Variants in SPPL2A observed in about 807,000 individuals in gnomAD.
SPPL2A encodes the protein signal peptide peptidase-like 2A.
SPPL2A carries 51 observed loss-of-function variants against 63.8 expected under a neutral mutation model. The ratio of observed to expected loss-of-function variants is 0.80; its 90% CI spans 0.64 to 1.01. The LOEUF is 1.01. Among genes scored for constraint, SPPL2A ranks in the 50% least tolerant of loss-of-function variants. The pLI is 0.00. For missense variants in SPPL2A, 553 were observed against 622.7 expected (o/e 0.89, Z 1.19); for synonymous variants, 188 against 205.8 (o/e 0.91, Z 0.74).
intron 1 of SPPL2A, 85 bp downstream of exon 1, chr15:50,765,383 G>A (rs74864554): frequency 4.7e-6 from 5 of 1,074,482 alleles, no homozygotes; most frequent in Middle Eastern, 3.1e-4. Flanking sequence ...GGGAGGCCGG[G>A]CGAGGAGTAG....
intron 9 of SPPL2A, among the ~76,000 whole-genome samples, chr15:50,731,558 A>AT (rs1400484100): frequency 6.6e-6 from 1 of 151,848 alleles, no homozygotes; most frequent in East Asian, 1.9e-4. Context: ...AAAAAAAAAA[A>AT]GAAGAAATGT....
chr15:50,760,339 C>T (rs369086887), intron 1 of SPPL2A, among the ~76,000 whole-genome samples: 1 of 152,140 alleles, frequency 6.6e-6, no homozygotes, highest in Non-Finnish European at 1.5e-5. Flanking sequence ...TGGCTCACTG[C>T]AACCTCTGCC....
At chr15:50,712,901 G>A (rs949128469) in intron 14 of SPPL2A, among the ~76,000 whole-genome samples, 1 of 151,856 alleles carries the variant, frequency 6.6e-6, no homozygotes, top group Non-Finnish European at 1.5e-5. Flanking sequence ...TGGTCAGGCT[G>A]TCTCAAACTC....
chr15:50,735,066 G>T (rs752317117), intron 8 of SPPL2A, among the ~76,000 whole-genome samples: 1 of 151,878 alleles, frequency 6.6e-6, no homozygotes, highest in African/African-American at 2.4e-5. Context: ...CACCATGCCC[G>T]GCTAATTCTG....
In SPPL2A at chr15:50,748,799, T is replaced by C. The variant is rs1437247092; in HGVS notation, c.249A>G (p.Ile83Met). 1.9e-6 allele frequency: 3 copies of C among 1,612,340 alleles called. No homozygotes were observed. The highest frequency in any genetic ancestry group is 1.1e-5 in the South Asian group (1 of 90,852). Reference sequence around the variant, plus strand: ...ATGGAACCACAACTGCTTTGCTCTTTATGCCAACAGGAGGAATATCAGAAA... The same window carrying C: ...ATGGAACCACAACTGCTTTGCTCTTCATGCCAACAGGAGGAATATCAGAAA... Reference protein sequence around the residue: ...CNLSDIPPVGIKSKAVVVPWG... With the variant: ...CNLSDIPPVGMKSKAVVVPWG... The change falls in exon 3 of 15, where the codon ATA becomes ATG. Residue 83 changes from isoleucine to methionine, a missense_variant. By Grantham distance (10) the Ile-to-Met change is conservative. Coordinates refer to ENST00000261854, the MANE Select transcript of SPPL2A (RefSeq NM_032802.4).
intron 12 of SPPL2A, among the ~76,000 whole-genome samples, chr15:50,723,181 A>T (rs1325414692): frequency 1.3e-5 from 2 of 152,204 alleles, no homozygotes; most frequent in East Asian, 3.8e-4. Context: ...ACGATGTACC[A>T]AAAGGGAACC....
In SPPL2A at chr15:50,748,168, T is replaced by A; in HGVS notation, c.395A>T (p.Asp132Val). Residue 132 changes from aspartate to valine, a missense_variant, in exon 4 of 15, where the codon GAT becomes GTT. By Grantham distance (152) the Asp-to-Val change is radical. Transcript: ENST00000261854. ...TATAAATGCAATCAGTATTTTCACA[T>A]CAGGAAATTCAGATCTGTTACCTGA... ...PPSGNRSEFP[D>V]VKILIAFISY... The A allele has an allele frequency of 6.6e-7, 1 of 1,510,472 alleles. No homozygotes were observed. Among genetic ancestry groups the A allele is most frequent in the Non-Finnish European group, 8.9e-7 (1 of 1,128,778 alleles). The allele number at this position is 1,510,472 out of a possible 1,614,324, so 93.6% of individuals were successfully genotyped here.
chr15:50,764,439 T>TAA (rs1437465670), intron 1 of SPPL2A: 1 of 152,214 alleles, frequency 6.6e-6, no homozygotes, highest in Non-Finnish European at 1.5e-5. Context: ...AAAAGGCACT[T>TAA]ACTTTTTGGC....
intron 14 of SPPL2A, among the ~76,000 whole-genome samples, chr15:50,716,264 A>G (rs908449417): frequency 3.9e-5 from 6 of 152,054 alleles, no homozygotes; most frequent in African/African-American, 1.2e-4. Flanking sequence ...GCGCAATCTC[A>G]GCTCACTACA....
intron 10 of SPPL2A, among the ~76,000 whole-genome samples, chr15:50,728,783 C>G (rs956271803): frequency 1.3e-5 from 2 of 151,618 alleles, no homozygotes; most frequent in Non-Finnish European, 2.9e-5. Context: ...GCTGGGACTA[C>G]AGGCGTGCAC....
chr15:50,702,963 A>G lies in SPPL2A; in HGVS notation c.*4837T>C, dbSNP rs547012951. 55 of 152,278 alleles carry G rather than the reference A, an allele frequency of 3.6e-4. No individual in the cohort carries two copies. The highest frequency in any genetic ancestry group is 1.3e-3 in the African/African-American group (52 of 41,550). The allele number at this position is 152,278 out of a possible 1,614,324, so 9.4% of individuals were successfully genotyped here. ...ATATGAGTATTACAGTAGAGGATCA[A>G]ATTCCAAAAGGTTGAGTAATTTGAT... On this transcript the variant is annotated 3_prime_UTR_variant, in exon 15 of 15. Coordinates refer to ENST00000261854, the MANE Select transcript of SPPL2A (RefSeq NM_032802.4).
intron 6 of SPPL2A, 44 bp from the exon 7 acceptor site, chr15:50,736,784 G>A (rs1035874931): frequency 3.2e-6 from 3 of 944,830 alleles, no homozygotes; most frequent in Non-Finnish European, 3.4e-6. Context: ...CAGAAGGAAA[G>A]GTGATAAGAA....
In SPPL2A at chr15:50,705,325, G is replaced by A. The variant is rs530706767; in HGVS notation, c.*2475C>T. On this transcript the variant is annotated 3_prime_UTR_variant, in exon 15 of 15. Coordinates refer to ENST00000261854, the MANE Select transcript of SPPL2A (RefSeq NM_032802.4). ...ACTGCACTCCAGCCTGGGTGACAGAGGGAGACTCCATTTCCAAAAAAAAAA... is the reference window on the plus strand; with the variant it reads ...ACTGCACTCCAGCCTGGGTGACAGAAGGAGACTCCATTTCCAAAAAAAAAA... 5.8e-4 allele frequency: 83 copies of A among 143,768 alleles called. No individual in the cohort carries two copies. Among genetic ancestry groups the A allele is most frequent in the African/African-American group, 2.0e-3 (79 of 38,766 alleles). 8.9% of individuals were successfully genotyped at this position (143,768 alleles called of 1,614,324 possible).
At chr15:50,726,709 A>G (rs555533725) in intron 10 of SPPL2A, among the ~76,000 whole-genome samples, 4 of 152,246 alleles carry the variant, frequency 2.6e-5, no homozygotes, top group Non-Finnish European at 5.9e-5. Context: ...AATTTTAGGT[A>G]CAGTACTTTT....
chr15:50,747,788 A>C (rs1332493820), intron 4 of SPPL2A, among the ~76,000 whole-genome samples, 160 bp from the exon 5 acceptor site: 1 of 152,254 alleles, frequency 6.6e-6, no homozygotes, highest in African/African-American at 2.4e-5. Context: ...TCTAGTCAAA[A>C]GTATGATGAT....
chr15:50,749,558 T>C (rs1052435963), intron 2 of SPPL2A, 78 bp downstream of exon 2: 2 of 930,534 alleles, frequency 2.1e-6, no homozygotes, highest in Non-Finnish European at 1.8e-6. Context: ...AGTGCTGGGA[T>C]TACAGGCATG....
intron 10 of SPPL2A, among the ~76,000 whole-genome samples, chr15:50,727,160 G>A (rs576962021): frequency 4.6e-5 from 7 of 152,240 alleles, no homozygotes; most frequent in South Asian, 2.1e-4. Flanking sequence ...TTTATCATTC[G>A]TATTATTGTA....
rs2062631455 is a variant in SPPL2A, at chr15:50,719,979, A to G, written c.1449T>C (p.Arg483=). ...LITASVVAWR[R]KEMKKFWKGN... is the part of the protein sequence containing the mutation. Reference sequence around the variant, plus strand: ...CTTTCCAGAACTTTTTCATTTCCTTACGTCTCCAGGCAACAACTGAGGCAG... The same window carrying G: ...CTTTCCAGAACTTTTTCATTTCCTTGCGTCTCCAGGCAACAACTGAGGCAG... Residue 483 remains arginine, a synonymous_variant, in exon 14 of 15, where the codon CGT becomes CGC. Coordinates refer to ENST00000261854, the MANE Select transcript of SPPL2A (RefSeq NM_032802.4). 4 of 1,613,392 alleles carry G rather than the reference A, an allele frequency of 2.5e-6. No homozygotes were observed. Among genetic ancestry groups the G allele is most frequent in the Non-Finnish European group, 1.7e-6 (2 of 1,179,764 alleles).
Position 50,761,440 on chromosome 15 carries a change from A to AC in SPPL2A, c.66+4027dup, listed in dbSNP as rs575061757. Among the ~76,000 whole-genome samples the AC allele has an allele frequency of 1.2e-4, 18 of 151,720 alleles. No individual in the cohort carries two copies. The East Asian group carries it at 3.5e-3, about 29-fold the overall frequency. ...AGAGTAGCCTGACCAATGTGGAGAA[A>AC]CCCCCGTCTCTACTAAAAATACAAA... On this transcript the variant is annotated intron_variant, in intron 1 of 14. Coordinates refer to ENST00000261854, the MANE Select transcript of SPPL2A (RefSeq NM_032802.4).
Sources: allele counts gnomAD v4.1 joint callset (sites outside exome capture counted in the v4.1 genomes callset), GRCh38; gene constraint gnomAD v4.1.1; transcripts MANE v1.5; gene names NCBI Gene and HGNC (gene_info 2026-07-23, HGNC 2026-07-21).